The following PXDNL variants were observed in gnomAD, a reference collection of about 807,000 sequenced individuals.
The protein encoded by PXDNL is probable oxidoreductase PXDNL.
PXDNL carries 145 observed loss-of-function variants against 150.8 expected under a neutral mutation model. The observed-to-expected ratio is 0.96, with a 90% CI of 0.84 to 1.10. The LOEUF (loss-of-function observed/expected upper bound fraction) is 1.10. Ranked by LOEUF, PXDNL falls within the 50% of genes least tolerant of loss-of-function variation. PXDNL has a pLI of 0.00. For synonymous variants in PXDNL, 757 were observed against 725.7 expected, an observed-to-expected ratio of 1.04 and a Z score of -0.69; for missense variants, 2,087 against 1,873.9, an observed-to-expected ratio of 1.11 and a Z score of -2.10.
chr8:51,360,023 C>CT (rs1238932052), intron 19 of PXDNL, among the ~76,000 whole-genome samples: 1 of 143,708 alleles, frequency 7.0e-6, no homozygotes, highest in Admixed American at 7.1e-5. Context: ...TGATAGGCCA[C>CT]TTTAGGAAAA....
chr8:51,415,341 G>C (rs116983456), intron 14 of PXDNL, among the ~76,000 whole-genome samples: 1 of 152,098 alleles, frequency 6.6e-6, no homozygotes, highest in Non-Finnish European at 1.5e-5. Flanking sequence ...ACAGTTCCTC[G>C]GGCTGTACAG....
At chr8:51,801,341 G>T (rs1030429064) in intron 1 of PXDNL, among the ~76,000 whole-genome samples, 2 of 152,164 alleles carry the variant, frequency 1.3e-5, no homozygotes, top group African/African-American at 4.8e-5. Context: ...TGTTTATCAA[G>T]ACAGTATGTG....
chr8:51,502,841 C>T (rs1585531703), intron 4 of PXDNL, among the ~76,000 whole-genome samples: 1 of 152,042 alleles, frequency 6.6e-6, no homozygotes, highest in African/African-American at 2.4e-5. Context: ...AGACAGCTTT[C>T]GCTTGGGAGG....
chr8:51,446,817 T>C (rs1809686532), intron 12 of PXDNL, among the ~76,000 whole-genome samples, 187 bp downstream of exon 12: 2 of 151,856 alleles, frequency 1.3e-5, no homozygotes, highest in African/African-American at 4.8e-5. Context: ...TGAATGAAAA[T>C]AGAATTCTAA....
intron 4 of PXDNL, among the ~76,000 whole-genome samples, chr8:51,511,394 A>G (rs572518098): frequency 1.3e-5 from 2 of 152,314 alleles, no homozygotes; most frequent in East Asian, 1.9e-4. Flanking sequence ...ACAGCATACA[A>G]TAGAGCAATA....
chr8:51,355,870 C>G (rs1259982910), intron 19 of PXDNL, among the ~76,000 whole-genome samples: 2 of 152,156 alleles, frequency 1.3e-5, no homozygotes, highest in Non-Finnish European at 1.5e-5. Context: ...GTTGCATTTG[C>G]AATTTTTTAG....
At chr8:51,368,904 G>A (rs1199960829) in intron 19 of PXDNL, among the ~76,000 whole-genome samples, 4 of 152,110 alleles carry the variant, frequency 2.6e-5, no homozygotes, top group Admixed American at 2.0e-4. Flanking sequence ...GCTGAGGCAG[G>A]AGAATCACTT....
chr8:51,339,992 T>C (rs572345677), intron 20 of PXDNL: 20 of 334,058 alleles, frequency 6.0e-5, no homozygotes, highest in Admixed American at 1.8e-4. Context: ...AATAAGAAAG[T>C]ATTTCTTATG....
chr8:51,489,061 A>G (rs1295176160), intron 5 of PXDNL, among the ~76,000 whole-genome samples: 2 of 152,234 alleles, frequency 1.3e-5, no homozygotes, highest in African/African-American at 2.4e-5. Context: ...AGTAAAACAT[A>G]CCAGGTTAGG....
chr8:51,775,061 T>A (rs185278084), intron 1 of PXDNL, among the ~76,000 whole-genome samples: 74 of 152,308 alleles, frequency 4.9e-4, no homozygotes, highest in African/African-American at 1.7e-3. Context: ...TACCTAAGTA[T>A]AATGTAGTGG....
chr8:51,779,699 T>C (rs2037391802), intron 1 of PXDNL, among the ~76,000 whole-genome samples: 1 of 152,254 alleles, frequency 6.6e-6, no homozygotes, highest in Admixed American at 6.5e-5. Flanking sequence ...CAATTGTGCA[T>C]GTTCTTGGTA....
chr8:51,350,879 T>TCGC (rs1282960779), intron 19 of PXDNL, among the ~76,000 whole-genome samples: 1 of 152,178 alleles, frequency 6.6e-6, no homozygotes, highest in East Asian at 1.9e-4. Flanking sequence ...ACTTTTACCC[T>TCGC]CGCTAACTTC....
At chr8:51,390,045 T>C (rs1330117407) in intron 17 of PXDNL, among the ~76,000 whole-genome samples, 20 of 152,016 alleles carry the variant, frequency 1.3e-4, no homozygotes, top group Admixed American at 1.3e-3. Context: ...TCACTGGCTA[T>C]GGAAGCCATG....
intron 1 of PXDNL, among the ~76,000 whole-genome samples, chr8:51,765,175 T>C (rs1358076422): frequency 6.6e-6 from 1 of 152,194 alleles, no homozygotes; most frequent in African/African-American, 2.4e-5. Context: ...TCTTGAATTG[T>C]AGCTCCCATA....
chr8:51,404,367 G>T (rs1563395188), intron 17 of PXDNL, among the ~76,000 whole-genome samples: 1 of 151,972 alleles, frequency 6.6e-6, no homozygotes, highest in African/African-American at 2.4e-5. Context: ...GCTGATTGGT[G>T]TGTTTACAAT....
intron 2 of PXDNL, among the ~76,000 whole-genome samples, chr8:51,607,864 G>T (rs1181151288): frequency 8.8e-6 from 1 of 113,454 alleles, no homozygotes; most frequent in East Asian, 2.7e-4. Context: ...GAGGAAGGAA[G>T]GAAGGAAGGA....
At chr8:51,491,227 T>C (rs547215174) in intron 5 of PXDNL, among the ~76,000 whole-genome samples, 5 of 152,300 alleles carry the variant, frequency 3.3e-5, no homozygotes, top group African/African-American at 7.2e-5. Flanking sequence ...CCTGTGATAA[T>C]GTAAGTTAAT....
At chr8:51,747,612 A>G (rs2130969177) in intron 1 of PXDNL, among the ~76,000 whole-genome samples, 1 of 152,288 alleles carries the variant, frequency 6.6e-6, no homozygotes, top group Admixed American at 6.5e-5. Context: ...TTGGATAGCA[A>G]TTGAACCAGG....
chr8:51,550,113 ACCT>A, intron 4 of PXDNL, among the ~76,000 whole-genome samples: 1 of 152,070 alleles, frequency 6.6e-6, no homozygotes, highest in Non-Finnish European at 1.5e-5. Context: ...AAATATACAA[ACCT>A]CCTAGATTAA....
Sources: allele counts gnomAD v4.1 joint callset (sites outside exome capture counted in the v4.1 genomes callset), GRCh38; gene constraint gnomAD v4.1.1; transcripts MANE v1.5; gene names NCBI Gene and HGNC (gene_info 2026-07-23, HGNC 2026-07-21).